Variants in BRD3 observed in about 807,000 individuals in gnomAD.
The protein encoded by BRD3 is bromodomain-containing protein 3.
A neutral mutation model predicts 66.8 loss-of-function variants in BRD3; 17 were observed. That is an observed-to-expected ratio of 0.25 (90% CI 0.17 to 0.38). The LOEUF is 0.38. Among genes scored for constraint, BRD3 ranks in the 10% least tolerant of loss-of-function variants. BRD3 has a pLI of 1.00. For missense variants in BRD3, 713 were observed against 956.1 expected (o/e 0.75, Z 3.35); for synonymous variants, 421 against 393.2 (o/e 1.07, Z -0.84).
At position 134,037,934 on chromosome 9, in the gene BRD3, G is replaced by A. The variant is rs372993564; in HGVS notation, c.1644-1610C>T. 1.5e-3 allele frequency among the ~76,000 whole-genome samples: 224 copies of A among 152,236 alleles called. 5 individuals are homozygous for A. The highest frequency in any genetic ancestry group is 3.7e-3 in the South Asian group (18 of 4,812). On this transcript the variant is annotated intron_variant, in intron 9 of 11. Coordinates refer to ENST00000303407, the MANE Select transcript of BRD3 (RefSeq NM_007371.4). The stretch of plus-strand genomic sequence containing the variant: ...GACAATCCGAGTGGAATGGATTAAC[G>A]CCTTAGGCATAAACCTCTAAAACTC...
At chr9:134,034,617 G>C in intron 11 of BRD3, 84 bp downstream of exon 11, 1 of 1,555,110 alleles carries the variant, frequency 6.4e-7, no homozygotes, top group Non-Finnish European at 8.7e-7. Flanking sequence ...ACACTCAGAC[G>C]TGGGCCTGCT....
chr9:134,055,047 G>GTGCCTCC, intron 1 of BRD3, among the ~76,000 whole-genome samples: 1 of 152,216 alleles, frequency 6.6e-6, no homozygotes, highest in African/African-American at 2.4e-5. Flanking sequence ...GAGGTGAGCG[G>GTGCCTCC]GTGCCTCTCC....
chr9:134,043,997 A>C (rs1272618903), intron 7 of BRD3, among the ~76,000 whole-genome samples: 1 of 152,256 alleles, frequency 6.6e-6, no homozygotes, highest in Non-Finnish European at 1.5e-5. Flanking sequence ...GAGCAGGGGC[A>C]GAGCTGCCAG....
At position 134,031,830 on chromosome 9, in the gene BRD3, G is replaced by A. The variant is rs550093493; in HGVS notation, c.*1760C>T. The A allele has an allele frequency of 9.0e-5, 20 of 221,666 alleles. No individual in the cohort carries two copies. Among genetic ancestry groups the A allele is most frequent in the Admixed American group, 1.7e-4 (3 of 17,396 alleles). 13.7% of individuals were successfully genotyped at this position (221,666 alleles called of 1,614,324 possible). Reference sequence around the variant, plus strand: ...ACCATACAGGACAGACCACACCACAGCTCCATACCCAGCGTCTGCCTGGAG... The same window carrying A: ...ACCATACAGGACAGACCACACCACAACTCCATACCCAGCGTCTGCCTGGAG... On this transcript the variant is annotated 3_prime_UTR_variant, in exon 12 of 12. Coordinates refer to ENST00000303407, the MANE Select transcript of BRD3 (RefSeq NM_007371.4).
intron 5 of BRD3, among the ~76,000 whole-genome samples, chr9:134,048,693 C>T (rs184977914): frequency 6.6e-6 from 1 of 152,288 alleles, no homozygotes; most frequent in East Asian, 1.9e-4. Flanking sequence ...CCCGCCCTCA[C>T]CTGGGCGAGG....
At position 134,045,013 on chromosome 9, in the gene BRD3, G is replaced by A. The variant is rs968843265; in HGVS notation, c.1215+280C>T. ...GCATCTGCCGTCCCACCTGGTACAC[G>A]CACCAGTCCCTGGAGGGAAAGACTC... On this transcript the variant is annotated intron_variant, in intron 7 of 11. Transcript: ENST00000303407. This position sits in a 1 kb window ranked among gnomAD's most constrained non-coding sequence, Gnocchi z 4.8. 1.3e-5 allele frequency among the ~76,000 whole-genome samples: 2 copies of A among 152,178 alleles called. No individual in the cohort carries two copies. The highest frequency in any genetic ancestry group is 2.9e-5 in the Non-Finnish European group (2 of 68,032).
chr9:134,061,801 C>T (rs149338396), intron 1 of BRD3, among the ~76,000 whole-genome samples: 6 of 152,332 alleles, frequency 3.9e-5, no homozygotes, highest in Admixed American at 6.5e-5. Flanking sequence ...CCAGACTCAC[C>T]GCCAACACCC....
intron 6 of BRD3, among the ~76,000 whole-genome samples, chr9:134,046,105 GGCAA>G (rs1830159033): frequency 6.6e-6 from 1 of 152,182 alleles, no homozygotes; most frequent in Non-Finnish European, 1.5e-5. Context: ...ACCTGGCTCT[GGCAA>G]GCAGAGAACT....
chr9:134,041,889 A>G lies in BRD3; in HGVS notation c.1278T>C (p.Pro426=), dbSNP rs144330517. The G allele has an allele frequency of 2.5e-6, 4 of 1,611,062 alleles. No individual in the cohort carries two copies. The highest frequency in any genetic ancestry group is 3.4e-6 in the Non-Finnish European group (4 of 1,178,652). ...PDEPVEAPAL[P]APAAPMVSKG... Reference sequence around the variant, plus strand: ...TGCTCACCATGGGGGCCGCGGGGGCAGGCAGCGCCGGTGCCTCCACGGGCT... The same window carrying G: ...TGCTCACCATGGGGGCCGCGGGGGCGGGCAGCGCCGGTGCCTCCACGGGCT... The change falls in exon 8 of 12, where the codon CCT becomes CCC. Residue 426 remains proline (P), a synonymous_variant. Transcript: ENST00000303407.
At position 134,033,624 on chromosome 9, in the gene BRD3, C is replaced by T. The variant is rs1402793225; in HGVS notation, c.2147G>A (p.Ser716Asn). 1 of 771,080 alleles carries T rather than the reference C, an allele frequency of 1.3e-6. No homozygotes were observed. Among genetic ancestry groups the T allele is most frequent in the Non-Finnish European group, 2.4e-6 (1 of 413,536 alleles). 47.8% of individuals were successfully genotyped at this position (771,080 alleles called of 1,614,324 possible). A position where few individuals can be genotyped will look rare whatever the true frequency, so the allele number is the denominator to read the frequency against. Reference sequence around the variant, plus strand: ...GTCACTGCTGTCAGAGCTGGACCCGCTGGAGCTGCTGCTCCCAGACTCGGA... The same window carrying T: ...GTCACTGCTGTCAGAGCTGGACCCGTTGGAGCTGCTGCTCCCAGACTCGGA... ...SSSESGSSSSSGSSSDSSDSE is the reference protein window; with the variant it reads ...SSSESGSSSSNGSSSDSSDSE The change falls in exon 12 of 12, where the codon AGC becomes AAC. Residue 716 changes from serine to asparagine, a missense_variant. Around this residue, in one of 5 missense-constraint regions of BRD3, gnomAD observed 42 missense variants for 29.2 expected, o/e 1.44. Transcript: ENST00000303407. This position sits in a 1 kb window ranked among gnomAD's most constrained non-coding sequence, Gnocchi z 5.1.
intron 11 of BRD3, among the ~76,000 whole-genome samples, chr9:134,034,182 C>A (rs113335813): frequency 4.5e-4 from 69 of 152,354 alleles, no homozygotes; most frequent in Middle Eastern, 3.4e-3. Context: ...CTGTCCCCCC[C>A]ATATGTGTGT....
At chr9:134,044,687 GCACACACACGCACACACGTC>G (rs1830130978) in intron 7 of BRD3, among the ~76,000 whole-genome samples, 2 of 152,102 alleles carry the variant, frequency 1.3e-5, no homozygotes, top group South Asian at 4.1e-4. Flanking sequence ...GCAGGCAGGA[GCACACACACGCACACACGTC>G]CACACACACA....
chr9:134,033,512 G>C lies in BRD3; in HGVS notation c.*78C>G. 1.5e-6 allele frequency: 1 copy of C among 662,484 alleles called. No individual in the cohort carries two copies. The highest frequency in any genetic ancestry group is 1.7e-5 in the South Asian group (1 of 60,568). The allele number at this position is 662,484 out of a possible 1,614,324, so 41.0% of individuals were successfully genotyped here. On this transcript the variant is annotated 3_prime_UTR_variant, in exon 12 of 12. Transcript: ENST00000303407. The surrounding 1 kb of genome is among the most constrained non-coding windows in gnomAD (Gnocchi z 5.1). Reference sequence around the variant, plus strand: ...ACCTGCACACCATGGAACAGAAGTAGTAATATGAACCACAGAGGGGTACGG... The same window carrying C: ...ACCTGCACACCATGGAACAGAAGTACTAATATGAACCACAGAGGGGTACGG...
At chr9:134,047,721 G>A (rs1830204857) in intron 6 of BRD3, among the ~76,000 whole-genome samples, 2 of 152,240 alleles carry the variant, frequency 1.3e-5, no homozygotes, top group Admixed American at 1.3e-4. Flanking sequence ...TCCGGGGCTT[G>A]AGGGAAGCAA....
At chr9:134,034,609 A>C in intron 11 of BRD3, 92 bp downstream of exon 11, 1 of 1,529,206 alleles carries the variant, frequency 6.5e-7, no homozygotes, top group Non-Finnish European at 8.8e-7. Context: ...GGTAAGCCAC[A>C]CTCAGACGTG....
chr9:134,051,880 G>T lies in BRD3; in HGVS notation c.352-171C>A, dbSNP rs868280220. Among the ~76,000 whole-genome samples, 749 of 113,416 alleles carry T rather than the reference G, an allele frequency of 6.6e-3. 22 individuals are homozygous for T. Among genetic ancestry groups the T allele is most frequent in the African/African-American group, 0.025 (697 of 27,414 alleles). 74.4% of individuals were successfully genotyped at this position (113,416 alleles called of 152,430 possible). A position where few individuals can be genotyped will look rare whatever the true frequency, so the allele number is the denominator to read the frequency against. On this transcript the variant is annotated intron_variant, in intron 3 of 11. Coordinates refer to ENST00000303407, the MANE Select transcript of BRD3 (RefSeq NM_007371.4). ...GTGTGTGTGTGTGTGTGTGTGTGTTGTTTTTTTTGTTTTTTTTTTTTTTTT... is the reference window on the plus strand; with the variant it reads ...GTGTGTGTGTGTGTGTGTGTGTGTTTTTTTTTTTGTTTTTTTTTTTTTTTT...
chr9:134,056,106 C>G (rs1463098722), intron 1 of BRD3: 2 of 152,356 alleles, frequency 1.3e-5, no homozygotes, highest in Non-Finnish European at 1.5e-5. Context: ...CTCTGCTTGG[C>G]ACCAGCCCAC....
At chr9:134,041,692 A>C (rs560559911) in intron 8 of BRD3, 68 bp downstream of exon 8, 8 of 1,545,930 alleles carry the variant, frequency 5.2e-6, no homozygotes, top group Non-Finnish European at 7.0e-6. Context: ...AAAGGGACGG[A>C]CCTTGGGCTG....
At chr9:134,051,732 T>C in intron 3 of BRD3, 23 bp from the exon 4 acceptor site, 1 of 1,581,880 alleles carries the variant, frequency 6.3e-7, no homozygotes, top group Non-Finnish European at 8.5e-7. Context: ...AGAGTCCAGG[T>C]CACGTGTCAG....
Sources: allele counts gnomAD v4.1 joint callset (sites outside exome capture counted in the v4.1 genomes callset), GRCh38; gene constraint gnomAD v4.1.1; regional missense constraint gnomAD v4.1.1; non-coding constraint Gnocchi (gnomAD v3.1); transcripts MANE v1.5; gene names NCBI Gene and HGNC (gene_info 2026-07-23, HGNC 2026-07-21).